Variants in LRRC37A2 observed in about 807,000 individuals in gnomAD.
LRRC37A2 encodes the protein leucine rich repeat containing 37 member A2.
A neutral mutation model predicts 68.8 loss-of-function variants in LRRC37A2; 9 were observed. The ratio of observed to expected loss-of-function variants is 0.13; its 90% confidence interval spans 0.08 to 0.23. LRRC37A2 has a LOEUF of 0.23. Ranked by LOEUF, LRRC37A2 falls within the 10% of genes least tolerant of loss-of-function variation. The pLI is 1.00. For synonymous variants in LRRC37A2, 63 were observed against 367.6 expected, an observed-to-expected ratio of 0.17 and a Z score of 9.48; for missense variants, 168 against 950.4, an observed-to-expected ratio of 0.18 and a Z score of 10.82.
At chr17:47,011,539 T>C in the LRRC37A2 span, among the ~76,000 whole-genome samples, 6 of 147,836 alleles carry the variant, frequency 4.1e-5, no homozygotes, top group African/African-American at 1.5e-4. Context: ...GTGACAAAGC[T>C]AGACTCTGTT....
the LRRC37A2 span, among the ~76,000 whole-genome samples, chr17:46,805,353 A>G: frequency 6.6e-6 from 1 of 152,160 alleles, no homozygotes; most frequent in Non-Finnish European, 1.5e-5. Flanking sequence ...TGGGCGGGTC[A>G]CCTGAGGTCA....
At chr17:46,648,666 GA>G in the LRRC37A2 span, among the ~76,000 whole-genome samples, 1 of 60,950 alleles carries the variant, frequency 1.6e-5, no homozygotes, top group African/African-American at 1.4e-4. Flanking sequence ...ATCTTAAAAT[GA>G]TATAGCTCCA....
At chr17:46,824,551 T>C in the LRRC37A2 span, among the ~76,000 whole-genome samples, 3 of 152,210 alleles carry the variant, frequency 2.0e-5, no homozygotes, top group Non-Finnish European at 4.4e-5. Context: ...GCCCGGCTGA[T>C]TATACATACT....
the LRRC37A2 span, among the ~76,000 whole-genome samples, chr17:47,034,735 A>G: frequency 1.3e-5 from 2 of 148,562 alleles, no homozygotes; most frequent in African/African-American, 4.9e-5. Context: ...CATTTTTAAT[A>G]GCTGGGAGGA....
the LRRC37A2 span, among the ~76,000 whole-genome samples, chr17:46,684,652 A>G: frequency 6.6e-6 from 1 of 151,680 alleles, no homozygotes. Flanking sequence ...GCAATGGGGA[A>G]AGGATTCCCT....
chr17:46,934,966 CAGTG>C, the LRRC37A2 span: 1 of 1,472,590 alleles, frequency 6.8e-7, no homozygotes, highest in South Asian at 1.1e-5. Context: ...AAAGACAGAG[CAGTG>C]AGACCCCAGG....
At chr17:47,028,009 T>C in the LRRC37A2 span, among the ~76,000 whole-genome samples, 2 of 152,244 alleles carry the variant, frequency 1.3e-5, no homozygotes, top group African/African-American at 4.8e-5. Context: ...AAAATGTTGA[T>C]GGCACTGAAG....
the LRRC37A2 span, among the ~76,000 whole-genome samples, chr17:46,986,829 G>C: frequency 6.6e-6 from 1 of 152,118 alleles, no homozygotes; most frequent in Non-Finnish European, 1.5e-5. Context: ...CTGCTGGGGG[G>C]AACAGTCACA....
At chr17:46,601,963 C>T in the LRRC37A2 span, among the ~76,000 whole-genome samples, 1 of 145,188 alleles carries the variant, frequency 6.9e-6, no homozygotes, top group Admixed American at 6.7e-5. Flanking sequence ...GCGGGTGGAT[C>T]ACTTGAAGCC....
the LRRC37A2 span, among the ~76,000 whole-genome samples, chr17:46,725,185 A>G: frequency 6.6e-6 from 1 of 152,212 alleles, no homozygotes; most frequent in Admixed American, 6.5e-5. Context: ...TTATGGCAAG[A>G]TGGAATTGGA....
the LRRC37A2 span, among the ~76,000 whole-genome samples, chr17:46,864,285 T>C: frequency 6.6e-6 from 1 of 152,272 alleles, no homozygotes; most frequent in African/African-American, 2.4e-5. Context: ...GTTTCAGCCA[T>C]GATTTGCCTT....
chr17:46,794,377 T>A, the LRRC37A2 span, among the ~76,000 whole-genome samples: 2 of 152,302 alleles, frequency 1.3e-5, no homozygotes, highest in South Asian at 4.1e-4. Flanking sequence ...GCCCAGGCCC[T>A]ATATGCAGGC....
chr17:46,994,670 G>A, the LRRC37A2 span, among the ~76,000 whole-genome samples: 1 of 152,058 alleles, frequency 6.6e-6, no homozygotes, highest in Admixed American at 6.6e-5. Flanking sequence ...GGCAGTCCGT[G>A]GCCTTGACCC....
At chr17:46,709,947 G>A in the LRRC37A2 span, among the ~76,000 whole-genome samples, 5 of 152,018 alleles carry the variant, frequency 3.3e-5, no homozygotes, top group African/African-American at 4.8e-5. Flanking sequence ...AAGAGACTAC[G>A]TAAAAAGTGG....
the LRRC37A2 span, among the ~76,000 whole-genome samples, chr17:46,858,247 G>A: frequency 7.2e-5 from 11 of 152,084 alleles, no homozygotes; most frequent in African/African-American, 2.7e-4. Context: ...ATATATTTTG[G>A]ATACAAGTCT....
At chr17:46,575,261 G>A in the LRRC37A2 span, among the ~76,000 whole-genome samples, 2 of 129,496 alleles carry the variant, frequency 1.5e-5, no homozygotes, top group South Asian at 3.2e-4. Flanking sequence ...GTCAAAACTC[G>A]CTTTGTAAAT....
the LRRC37A2 span, chr17:47,010,790 G>A: frequency 6.6e-6 from 1 of 152,324 alleles, no homozygotes; most frequent in Admixed American, 6.5e-5. Flanking sequence ...GAAAGGGGGT[G>A]GGAACACACC....
the LRRC37A2 span, chr17:46,768,519 G>A: frequency 1.9e-6 from 3 of 1,614,202 alleles, no homozygotes; most frequent in Non-Finnish European, 2.5e-6. This position sits in a 1 kb window ranked among gnomAD's most constrained non-coding sequence, Gnocchi z 5.0. Context: ...AAAGGAACCC[G>A]TCTCTGGGTT....
the LRRC37A2 span, among the ~76,000 whole-genome samples, chr17:46,827,663 G>A: frequency 6.6e-6 from 1 of 152,142 alleles, no homozygotes; most frequent in South Asian, 2.1e-4. Flanking sequence ...CTAACTATCT[G>A]TATCCTCCTC....
Sources: gnomAD v4.1 joint callset for allele counts (sites outside exome capture counted in the v4.1 genomes callset) on GRCh38, gnomAD v4.1.1 for gene constraint, Gnocchi (gnomAD v3.1) non-coding constraint, MANE v1.5 for transcripts, NCBI Gene and HGNC (gene_info 2026-07-23, HGNC 2026-07-21) for gene names.